Variants in PRELID2 observed in about 807,000 individuals in gnomAD.
PRELID2 encodes PRELI domain containing 2, also known as PRELI domain-containing protein 2.
In PRELID2, 25 loss-of-function variants were observed where a neutral mutation model predicts 28.4. The ratio of observed to expected loss-of-function variants is 0.88; its 90% CI spans 0.64 to 1.23. The LOEUF is 1.23. Among genes scored for constraint, PRELID2 ranks in the 50% most tolerant of loss-of-function variants. The pLI, the probability that PRELID2 is intolerant of heterozygous loss-of-function variation, is 0.00. For missense variants in PRELID2, 201 were observed against 214.4 expected (o/e 0.94, Z 0.39); for synonymous variants, 76 against 71.6 (o/e 1.06, Z -0.31).
chr5:145,641,396 T>A (rs1754104114), intron 1 of PRELID2, among the ~76,000 whole-genome samples: 1 of 152,190 alleles, frequency 6.6e-6, no homozygotes, highest in African/African-American at 2.4e-5. Context: ...TAAACTTTGT[T>A]AAGATATCAG....
chr5:145,609,963 G>A (rs58634621), intron 1 of PRELID2, among the ~76,000 whole-genome samples: 5,315 of 152,284 alleles, frequency 0.035, 279 homozygotes, highest in African/African-American at 0.12. Flanking sequence ...AACCACGACT[G>A]CAGCCTCTAT....
intron 1 of PRELID2, among the ~76,000 whole-genome samples, chr5:145,493,318 C>G (rs988535029): frequency 6.6e-6 from 1 of 152,136 alleles, no homozygotes; most frequent in African/African-American, 2.4e-5. Context: ...TAAAACAAAT[C>G]CCTATTTCTG....
chr5:145,680,189 T>C (rs73302025), intron 1 of PRELID2, among the ~76,000 whole-genome samples: 9,429 of 152,194 alleles, frequency 0.062, 920 homozygotes, highest in African/African-American at 0.21. Flanking sequence ...TGGGATGAGA[T>C]TCAGAAATTT....
chr5:145,579,177 T>G (rs568096488), intron 1 of PRELID2, among the ~76,000 whole-genome samples: 202 of 152,186 alleles, frequency 1.3e-3, no homozygotes, highest in African/African-American at 4.6e-3. Context: ...TTATGAAGAG[T>G]GTGAAAACAC....
chr5:145,441,728 CA>C, the PRELID2 span, among the ~76,000 whole-genome samples: 2 of 152,084 alleles, frequency 1.3e-5, no homozygotes, highest in Admixed American at 6.6e-5. Flanking sequence ...GGTGAAGGCA[CA>C]CAGCCTCCAC....
At chr5:145,656,164 C>T (rs1378189950) in intron 1 of PRELID2, among the ~76,000 whole-genome samples, 1 of 152,230 alleles carries the variant, frequency 6.6e-6, no homozygotes, top group Non-Finnish European at 1.5e-5. Context: ...CTCGTCATCA[C>T]TGGCCGTCAG....
At chr5:145,745,350 A>C (rs1387930607) in intron 1 of PRELID2, among the ~76,000 whole-genome samples, 1 of 152,184 alleles carries the variant, frequency 6.6e-6, no homozygotes, top group African/African-American at 2.4e-5. Context: ...CAAATTCGGA[A>C]ATAGAGAGAA....
the PRELID2 span, among the ~76,000 whole-genome samples, chr5:145,362,998 A>G: frequency 6.6e-6 from 1 of 151,564 alleles, no homozygotes; most frequent in African/African-American, 2.4e-5. Flanking sequence ...TACACTTGCA[A>G]TGTCAAAAGA....
At chr5:145,815,203 A>C (rs1162717251) in intron 4 of PRELID2, among the ~76,000 whole-genome samples, 1 of 152,228 alleles carries the variant, frequency 6.6e-6, no homozygotes, top group African/African-American at 2.4e-5. Flanking sequence ...CAGCATCTGC[A>C]AACCAAAAAT....
chr5:145,709,407 T>C (rs929588246), intron 1 of PRELID2, among the ~76,000 whole-genome samples: 9 of 152,160 alleles, frequency 5.9e-5, no homozygotes. Flanking sequence ...GTGAGATTGG[T>C]GGGAGACAGC....
At chr5:145,659,904 G>A (rs1754461002) in intron 1 of PRELID2, among the ~76,000 whole-genome samples, 1 of 152,134 alleles carries the variant, frequency 6.6e-6, no homozygotes, top group Non-Finnish European at 1.5e-5. Context: ...GGAAGGGATA[G>A]AAAAGGGTAG....
the PRELID2 span, among the ~76,000 whole-genome samples, chr5:145,244,069 T>A: frequency 6.6e-6 from 1 of 152,054 alleles, no homozygotes; most frequent in Non-Finnish European, 1.5e-5. Flanking sequence ...TTCTCCTGCC[T>A]CAGGCTTTCG....
the PRELID2 span, among the ~76,000 whole-genome samples, chr5:145,364,345 T>C: frequency 1.3e-5 from 2 of 152,072 alleles, no homozygotes; most frequent in South Asian, 2.1e-4. Flanking sequence ...TTCTAGAAAA[T>C]AGAAAATTTG....
At chr5:145,467,896 C>A (rs981619384), downstream of PRELID2, among the ~76,000 whole-genome samples, 2 of 150,282 alleles carry the variant, frequency 1.3e-5, no homozygotes, top group Middle Eastern at 3.2e-3. Context: ...TACTTTGTTT[C>A]ATTTTGTTTT....
chr5:145,790,131 A>C (rs1477358650), intron 5 of PRELID2, among the ~76,000 whole-genome samples: 1 of 152,228 alleles, frequency 6.6e-6, no homozygotes, highest in East Asian at 1.9e-4. Context: ...ATGATCCAGC[A>C]ATCCCACTTC....
At chr5:145,470,424 C>T (rs1395115474), downstream of PRELID2, among the ~76,000 whole-genome samples, 1 of 152,128 alleles carries the variant, frequency 6.6e-6, no homozygotes, top group Non-Finnish European at 1.5e-5. Flanking sequence ...TCGTAGCTAA[C>T]ATTTACCGAA....
chr5:145,652,885 A>G (rs1754323536), intron 1 of PRELID2, among the ~76,000 whole-genome samples: 1 of 152,186 alleles, frequency 6.6e-6, no homozygotes, highest in South Asian at 2.1e-4. Context: ...GACAGGATCA[A>G]ATTCACACAT....
chr5:145,312,826 A>G, the PRELID2 span, among the ~76,000 whole-genome samples: 59,995 of 151,950 alleles, frequency 0.39, 12,262 homozygotes, highest in African/African-American at 0.49. Flanking sequence ...ACATGAGAGT[A>G]CAGATATTTT....
At chr5:145,770,184 T>C (rs766507515) in intron 5 of PRELID2, among the ~76,000 whole-genome samples, 6 of 152,154 alleles carry the variant, frequency 3.9e-5, no homozygotes, top group Non-Finnish European at 7.4e-5. Context: ...CTGGTTTATA[T>C]ATTTATTATG....
Sources: gnomAD v4.1 joint callset for allele counts (sites outside exome capture counted in the v4.1 genomes callset) on GRCh38, gnomAD v4.1.1 for gene constraint, MANE v1.5 for transcripts, NCBI Gene and HGNC (gene_info 2026-07-23, HGNC 2026-07-21) for gene names.